Variants in EMILIN1 observed in about 807,000 individuals in gnomAD.
EMILIN1 encodes elastin microfibril interfacer 1.
EMILIN1 carries 49 observed loss-of-function variants against 82.4 expected under a neutral mutation model. The ratio of observed to expected loss-of-function variants is 0.59; its 90% CI spans 0.47 to 0.75. The LOEUF (loss-of-function observed/expected upper bound fraction) is 0.75, where lower values mean the gene tolerates loss of function less well. Ranked by LOEUF, EMILIN1 falls within the 30% of genes least tolerant of loss-of-function variation. The pLI, the probability that EMILIN1 is intolerant of heterozygous loss-of-function variation, is 0.00. For synonymous variants in EMILIN1, 604 were observed against 602.2 expected, an observed-to-expected ratio of 1.00 and a Z score of -0.04; for missense variants, 1,313 against 1,366.4, an observed-to-expected ratio of 0.96 and a Z score of 0.62.
chr2:27,084,580 C>G lies in EMILIN1; in HGVS notation c.2557+49C>G, dbSNP rs1028846975. The G allele has an allele frequency of 4.5e-6, 5 of 1,106,386 alleles. No homozygotes were observed. The African/African-American group carries it at 6.1e-5, about 14-fold the overall frequency. The allele number at this position is 1,106,386 out of a possible 1,614,324, so 68.5% of individuals were successfully genotyped here. A position where few individuals can be genotyped will look rare whatever the true frequency, so the allele number is the denominator to read the frequency against. On this transcript the variant is annotated intron_variant, in intron 5 of 7. Coordinates refer to ENST00000380320, the MANE Select transcript of EMILIN1 (RefSeq NM_007046.4). ...GCAGTCAGGGTTGCCACTGCCCCCTCCAACCCTGACCCCCGCTGGCAGCCC... is the reference window on the plus strand; with the variant it reads ...GCAGTCAGGGTTGCCACTGCCCCCTGCAACCCTGACCCCCGCTGGCAGCCC...
intron 2 of EMILIN1, 31 bp downstream of exon 2, chr2:27,080,301 G>A (rs750519805): frequency 7.4e-6 from 12 of 1,611,700 alleles, no homozygotes; most frequent in Non-Finnish European, 8.5e-7. Context: ...ACGGGCCCTT[G>A]GTGGGAACTG....
rs373377623 is a variant in EMILIN1 at position 27,082,684 on chromosome 2, C to T, written c.1113C>T (p.Val371=). 8.5e-5 allele frequency: 132 copies of T among 1,554,232 alleles called. No homozygotes were observed. In the African/African-American group the frequency reaches 1.3e-3, roughly 16 times the overall value. The change falls in exon 4 of 8, where the codon GTC becomes GTT. Residue 371 remains valine (V), a synonymous_variant. Transcript: ENST00000380320. ...CAGAGCTGGAGCGCAGGCTGGATGT[C>T]GTGGCCGGCTCAGTGACAGTGCTGA... is the stretch of plus-strand genomic sequence containing the variant. ...RLAELERRLD[V]VAGSVTVLSG...
At chr2:27,085,405 T>C (rs948129103) in intron 7 of EMILIN1, 108 bp downstream of exon 7, 3 of 1,383,290 alleles carry the variant, frequency 2.2e-6, no homozygotes, top group South Asian at 2.4e-5. Flanking sequence ...ATTCTCTGAT[T>C]TGGGGAGACC....
In EMILIN1 at chr2:27,082,882, C is replaced by T. The variant is rs770081198; in HGVS notation, c.1311C>T (p.His437=). ...SWPGAPGGLS[H]WLPAARGRLE... The stretch of plus-strand genomic sequence containing the variant: ...CTGGGGCTCCTGGGGGGCTGAGCCA[C>T]TGGCTGCCTGCTGCCCGGGGCCGAC... The change falls in exon 4 of 8, where the codon CAC becomes CAT. Residue 437 remains histidine (H), a synonymous_variant. Coordinates refer to ENST00000380320, the MANE Select transcript of EMILIN1 (RefSeq NM_007046.4). 35 of 1,593,726 alleles carry T rather than the reference C, an allele frequency of 2.2e-5. 1 individual carries two copies. The highest frequency in any genetic ancestry group is 2.6e-5 in the Non-Finnish European group (31 of 1,177,476).
chr2:27,078,726 G>A lies in EMILIN1; in HGVS notation c.-340G>A, dbSNP rs1051410406. The A allele has an allele frequency of 5.4e-5, 14 of 261,232 alleles. No individual in the cohort carries two copies. The highest frequency in any genetic ancestry group is 1.6e-4 in the African/African-American group (7 of 45,068). The allele number at this position is 261,232 out of a possible 1,614,324, so 16.2% of individuals were successfully genotyped here. Reference sequence around the variant, plus strand: ...AGAGGGCCAGCTGGGACGAGGGGGCGGACGCCCAGGAGGCAACTTCTGAGA... The same window carrying A: ...AGAGGGCCAGCTGGGACGAGGGGGCAGACGCCCAGGAGGCAACTTCTGAGA... On this transcript the variant is annotated 5_prime_UTR_variant, in exon 1 of 8. Coordinates refer to ENST00000380320, the MANE Select transcript of EMILIN1 (RefSeq NM_007046.4).
Position 27,082,899 on chromosome 2 carries a change from G to C in EMILIN1, c.1328G>C (p.Arg443Pro). 1.9e-6 allele frequency: 3 copies of C among 1,596,134 alleles called. No homozygotes were observed. Among genetic ancestry groups the C allele is most frequent in the South Asian group, 1.1e-5 (1 of 90,250 alleles). The stretch of plus-strand genomic sequence containing the variant: ...CTGAGCCACTGGCTGCCTGCTGCCC[G>C]GGGCCGACTAGAGCAGTTGGGGGGG... ...GGLSHWLPAARGRLEQLGGLL... is the reference protein window; with the variant it reads ...GGLSHWLPAAPGRLEQLGGLL... Residue 443 changes from arginine (R) to proline (P), a missense_variant, in exon 4 of 8, where the codon CGG (arginine) becomes CCG (proline). Transcript: ENST00000380320.
chr2:27,084,478 G>C lies in EMILIN1; in HGVS notation c.2504G>C (p.Gly835Ala). 1 of 1,613,220 alleles carries C rather than the reference G, an allele frequency of 6.2e-7. No homozygotes were observed. Among genetic ancestry groups the C allele is most frequent in the African/African-American group, 1.3e-5 (1 of 75,044 alleles). Residue 835 changes from glycine to alanine, a missense_variant, in exon 5 of 8, where the codon GGA (glycine) becomes GCA (alanine). Transcript: ENST00000380320. ...CTGCAGGGACCCCCAGGCCCTGCTG[G>C]ACCTCCAGGATCACCAGGCAAGGAC... The part of the protein sequence containing the change: ...PGLQGPPGPA[G>A]PPGSPGKDGQ...
intron 7 of EMILIN1, 70 bp downstream of exon 7, chr2:27,085,367 C>A: frequency 6.4e-7 from 1 of 1,568,588 alleles, no homozygotes; most frequent in Non-Finnish European, 8.8e-7. Flanking sequence ...TCTTCCCATT[C>A]TTGCCTTTTC....
rs1199155132 is a variant in EMILIN1 at position 27,082,718 on chromosome 2, C to T, written c.1147C>T (p.Arg383Ter). The T allele has an allele frequency of 4.5e-6, 7 of 1,550,098 alleles. No homozygotes were observed. The highest frequency in any genetic ancestry group is 4.8e-5 in the East Asian group (2 of 41,822). The part of the protein sequence containing the change: ...AGSVTVLSGR[R>*]GTELGGAAGQ... ...CTCAGTGACAGTGCTGAGTGGGCGG[C>T]GAGGCACAGAGCTGGGAGGAGCCGC... The change falls in exon 4 of 8, where the codon CGA becomes TGA. Residue 383 changes from arginine (R) to a stop codon, truncating the protein, a stop_gained. Coordinates refer to ENST00000380320, the MANE Select transcript of EMILIN1 (RefSeq NM_007046.4). LOFTEE classifies it high-confidence loss of function.
Position 27,082,792 on chromosome 2 carries a change from G to C in EMILIN1, c.1221G>C (p.Leu407=). 6.5e-7 allele frequency: 1 copy of C among 1,547,636 alleles called. No homozygotes were observed. The highest frequency in any genetic ancestry group is 8.7e-7 in the Non-Finnish European group (1 of 1,153,818). ...PPGYTSLASR[L]SRLEDRFNST... is the part of the protein sequence containing the mutation. The stretch of plus-strand genomic sequence containing the variant: ...GCTACACCAGCTTGGCCTCCCGCCT[G>C]TCTCGCCTGGAGGACCGCTTCAACT... The change falls in exon 4 of 8, where the codon CTG becomes CTC. Residue 407 remains leucine, a synonymous_variant. Transcript: ENST00000380320.
In EMILIN1 at chr2:27,083,721, C is replaced by T; in HGVS notation, c.2150C>T (p.Ala717Val). Reference sequence around the variant, plus strand: ...GGCCTAGAGGAGGGACAAGCACAGGCCGGCCAGTGCCCCAGCTTAGAGGGG... The same window carrying T: ...GGCCTAGAGGAGGGACAAGCACAGGTCGGCCAGTGCCCCAGCTTAGAGGGG... ...FRGLEEGQAQ[A>V]GQCPSLEGRL... is the part of the protein sequence containing the mutation. The change falls in exon 4 of 8, where the codon GCC (alanine) becomes GTC (valine). Residue 717 changes from alanine to valine, a missense_variant. Coordinates refer to ENST00000380320, the MANE Select transcript of EMILIN1 (RefSeq NM_007046.4). The T allele has an allele frequency of 6.8e-6, 11 of 1,613,832 alleles. No individual in the cohort carries two copies. Among genetic ancestry groups the T allele is most frequent in the Non-Finnish European group, 9.3e-6 (11 of 1,179,738 alleles).
chr2:27,083,936 C>A lies in EMILIN1; in HGVS notation c.2365C>A (p.Arg789=). Residue 789 remains arginine (R), a synonymous_variant, in exon 4 of 8, where the codon CGG becomes AGG. Coordinates refer to ENST00000380320, the MANE Select transcript of EMILIN1 (RefSeq NM_007046.4). ...CGGGGGACAGGCGGGCCTGGGCAGGCGGCTGGGTGCCCTTAACAGCTCCCT... is the reference window on the plus strand; with the variant it reads ...CGGGGGACAGGCGGGCCTGGGCAGGAGGCTGGGTGCCCTTAACAGCTCCCT... ...LVGGQAGLGR[R]LGALNSSLQL... 2 of 1,592,268 alleles carry A rather than the reference C, an allele frequency of 1.3e-6. No individual in the cohort carries two copies. The highest frequency in any genetic ancestry group is 1.7e-6 in the Non-Finnish European group (2 of 1,167,722).
At chr2:27,081,812 G>A (rs1043640277) in intron 3 of EMILIN1, among the ~76,000 whole-genome samples, 9 of 152,238 alleles carry the variant, frequency 5.9e-5, no homozygotes, top group African/African-American at 1.9e-4. Flanking sequence ...CCATGGCCAG[G>A]CACCTAATAT....
In EMILIN1 at chr2:27,085,009, G is replaced by T; in HGVS notation, c.2575+1G>T. On this transcript the variant is annotated splice_donor_variant, in intron 6 of 7. Transcript: ENST00000380320. LOFTEE classifies it high-confidence loss of function. ...CTCACAGGTCCTCAAGGTGAACAGGGTGAGTGCCTTTCATTTGATTCTGGA... is the reference window on the plus strand; with the variant it reads ...CTCACAGGTCCTCAAGGTGAACAGGTTGAGTGCCTTTCATTTGATTCTGGA... 4 of 1,613,994 alleles carry T rather than the reference G, an allele frequency of 2.5e-6. No homozygotes were observed. The highest frequency in any genetic ancestry group is 2.2e-5 in the South Asian group (2 of 91,080).
chr2:27,082,879 C>G lies in EMILIN1; in HGVS notation c.1308C>G (p.Ser436Arg). Reference protein sequence around the residue: ...ESWPGAPGGLSHWLPAARGRL... With the variant: ...ESWPGAPGGLRHWLPAARGRL... ...GGCCTGGGGCTCCTGGGGGGCTGAG[C>G]CACTGGCTGCCTGCTGCCCGGGGCC... The change falls in exon 4 of 8, where the codon AGC (serine) becomes AGG (arginine). Residue 436 changes from serine (S) to arginine (R), a missense_variant. By Grantham distance (110) the Ser-to-Arg change is moderately radical (BLOSUM62 -1). Transcript: ENST00000380320. 5.0e-6 allele frequency: 8 copies of G among 1,592,792 alleles called. No individual in the cohort carries two copies. The highest frequency in any genetic ancestry group is 6.8e-6 in the Non-Finnish European group (8 of 1,177,080).
At position 27,086,142 on chromosome 2, in the gene EMILIN1, C is replaced by G. The variant is rs1669629402; in HGVS notation, c.*127C>G. 1 of 691,778 alleles carries G rather than the reference C, an allele frequency of 1.4e-6. No individual in the cohort carries two copies. The highest frequency in any genetic ancestry group is 6.1e-5 in the South Asian group (1 of 16,506). 42.9% of individuals were successfully genotyped at this position (691,778 alleles called of 1,614,324 possible). ...GCCGCACCCGGGCCCGCAGCGGCAC[C>G]GCGCCCAGAGCGGCCTCTCCCCACG... On this transcript the variant is annotated 3_prime_UTR_variant, in exon 8 of 8. Coordinates refer to ENST00000380320, the MANE Select transcript of EMILIN1 (RefSeq NM_007046.4).
Position 27,079,164 on chromosome 2 carries a change from A to G in EMILIN1, c.99A>G (p.Thr33=), listed in dbSNP as rs375083544. The G allele has an allele frequency of 2.0e-4, 321 of 1,591,024 alleles. No individual in the cohort carries two copies. Among genetic ancestry groups the G allele is most frequent in the Non-Finnish European group, 2.6e-4 (310 of 1,171,860 alleles). Residue 33 remains threonine, a synonymous_variant, in exon 1 of 8, where the codon ACA becomes ACG. Coordinates refer to ENST00000380320, the MANE Select transcript of EMILIN1 (RefSeq NM_007046.4). ...CTCCTCGAGGTTTCAGCCTCTACAC[A>G]GGTTCCAGTGGGGCCCTCAGCCCCG... The part of the protein sequence containing the change: ...SYPPRGFSLY[T]GSSGALSPGG...
In EMILIN1 at chr2:27,081,985, G is replaced by A. The variant is rs961621004; in HGVS notation, c.512-98G>A. 1.6e-5 allele frequency: 22 copies of A among 1,409,162 alleles called. No individual in the cohort carries two copies. In the African/African-American group the frequency reaches 3.0e-4, roughly 20 times the overall value. 87.3% of individuals were successfully genotyped at this position (1,409,162 alleles called of 1,614,324 possible). A position where few individuals can be genotyped will look rare whatever the true frequency, so the allele number is the denominator to read the frequency against. On this transcript the variant is annotated intron_variant, in intron 3 of 7. Coordinates refer to ENST00000380320, the MANE Select transcript of EMILIN1 (RefSeq NM_007046.4). ...CAAAATCACCCAAAGGAGAGGCAGA[G>A]CCAGCCTGGGCATCTGACCCTTGCT...
intron 1 of EMILIN1, among the ~76,000 whole-genome samples, chr2:27,079,900 C>T (rs1418694225): frequency 6.6e-6 from 1 of 152,234 alleles, no homozygotes; most frequent in African/African-American, 2.4e-5. Context: ...CGGGACCCCA[C>T]CACCATGAGG....
Sources: allele counts gnomAD v4.1 joint callset (sites outside exome capture counted in the v4.1 genomes callset), GRCh38; gene constraint gnomAD v4.1.1; transcripts MANE v1.5; gene names NCBI Gene and HGNC (gene_info 2026-07-23, HGNC 2026-07-21).